METTL24: variants seen among roughly 807,000 people sequenced by gnomAD.
METTL24 encodes the protein probable methyltransferase-like protein 24.
Under a neutral mutation model 32.7 loss-of-function variants are expected in METTL24, and 29 were observed. The observed-to-expected ratio is 0.89, with a 90% CI of 0.66 to 1.21. The LOEUF (loss-of-function observed/expected upper bound fraction) is 1.21, where lower values mean the gene tolerates loss of function less well. Ranked by LOEUF, METTL24 falls within the 50% of genes most tolerant of loss-of-function variation. METTL24 has a pLI of 0.00. For missense variants in METTL24, 439 were observed against 468.1 expected (o/e 0.94, Z 0.57); for synonymous variants, 163 against 179.5 (o/e 0.91, Z 0.73).
intron 4 of METTL24, among the ~76,000 whole-genome samples, chr6:110,297,106 G>C (rs961709501): frequency 6.6e-6 from 1 of 152,170 alleles, no homozygotes; most frequent in Non-Finnish European, 1.5e-5. Flanking sequence ...GCAATTCTGT[G>C]CCAGATCACT....
chr6:110,325,846 G>C (rs531903663), intron 1 of METTL24, among the ~76,000 whole-genome samples: 48 of 152,216 alleles, frequency 3.2e-4, no homozygotes, highest in Non-Finnish European at 5.7e-4. Flanking sequence ...GGAGAGGCCA[G>C]GCTCCTCCCC....
chr6:110,325,474 A>C (rs2114756959), intron 1 of METTL24, among the ~76,000 whole-genome samples: 1 of 152,148 alleles, frequency 6.6e-6, no homozygotes. Flanking sequence ...TAGTTTGCTG[A>C]CTCCTGCTCC....
intron 4 of METTL24, among the ~76,000 whole-genome samples, chr6:110,275,023 T>G (rs1319313554): frequency 6.6e-6 from 1 of 151,682 alleles, no homozygotes; most frequent in Admixed American, 6.6e-5. Flanking sequence ...GGTCTCAAAC[T>G]CCTGGGCTCA....
chr6:110,253,085 T>G (rs1040458329), intron 4 of METTL24, among the ~76,000 whole-genome samples: 1 of 152,226 alleles, frequency 6.6e-6, no homozygotes, highest in African/African-American at 2.4e-5. Flanking sequence ...GTGATGCAGC[T>G]TCTACTTTGC....
At chr6:110,308,749 A>G (rs1172516938) in intron 3 of METTL24, among the ~76,000 whole-genome samples, 2 of 152,372 alleles carry the variant, frequency 1.3e-5, no homozygotes, top group East Asian at 3.9e-4. Flanking sequence ...AATTCATACA[A>G]TGGAATATTA....
chr6:110,249,257 A>G (rs9487325), intron 4 of METTL24, among the ~76,000 whole-genome samples: 34,024 of 151,950 alleles, frequency 0.22, 5,735 homozygotes, highest in African/African-American at 0.47. Context: ...AGGCTAAATC[A>G]TAGTAAACAT....
At chr6:110,306,570 A>AT (rs1015344825) in intron 3 of METTL24, among the ~76,000 whole-genome samples, 1 of 152,038 alleles carries the variant, frequency 6.6e-6, no homozygotes, top group Non-Finnish European at 1.5e-5. Flanking sequence ...ACTATTTGTA[A>AT]TTTTTTGGAT....
intron 4 of METTL24, among the ~76,000 whole-genome samples, chr6:110,256,797 C>A (rs1282663381): frequency 2.0e-5 from 3 of 152,218 alleles, no homozygotes; most frequent in Admixed American, 1.3e-4. Context: ...ATGCACACGA[C>A]ACTTAGCCAA....
intron 4 of METTL24, among the ~76,000 whole-genome samples, chr6:110,295,013 C>CTTTTTTTTTTTTTTT (rs1195740747): frequency 7.7e-5 from 6 of 78,130 alleles, no homozygotes; most frequent in East Asian, 4.0e-4. Flanking sequence ...TTCTTTCTTT[C>CTTTTTTTTTTTTTTT]TTTTTTTTTT....
chr6:110,258,294 G>T (rs1403621437), intron 4 of METTL24, among the ~76,000 whole-genome samples: 4 of 152,148 alleles, frequency 2.6e-5, no homozygotes, highest in Admixed American at 1.3e-4. Context: ...ATATACAGAA[G>T]TATCTCAAAC....
chr6:110,303,626 C>T (rs1393617720), intron 3 of METTL24, among the ~76,000 whole-genome samples: 1 of 152,242 alleles, frequency 6.6e-6, no homozygotes, highest in African/African-American at 2.4e-5. Context: ...TTCCTCCTCT[C>T]TGGGCAGGGC....
At chr6:110,314,992 T>G (rs994469005) in intron 3 of METTL24, among the ~76,000 whole-genome samples, 2 of 148,176 alleles carry the variant, frequency 1.3e-5, no homozygotes, top group African/African-American at 5.0e-5. Flanking sequence ...TTTTTTGTGT[T>G]TTTTTTTTTT....
intron 4 of METTL24, among the ~76,000 whole-genome samples, chr6:110,289,372 A>G (rs539978743): frequency 6.6e-6 from 1 of 152,224 alleles, no homozygotes; most frequent in South Asian, 2.1e-4. Flanking sequence ...CAGCTTTCAC[A>G]AACATGCAAG....
At chr6:110,251,589 T>C (rs890618384) in intron 4 of METTL24, among the ~76,000 whole-genome samples, 1 of 152,204 alleles carries the variant, frequency 6.6e-6, no homozygotes, top group Non-Finnish European at 1.5e-5. Context: ...TTAGACTAAG[T>C]AATTTATAAA....
intron 2 of METTL24, among the ~76,000 whole-genome samples, chr6:110,316,922 G>T (rs998955166): frequency 6.6e-6 from 1 of 151,378 alleles, no homozygotes; most frequent in African/African-American, 2.4e-5. Context: ...GAAAAGAAAA[G>T]AAAAAAAAGA....
rs1283171750 is a variant in METTL24, at chr6:110,358,105, C to A, written c.168G>T (p.Pro56=). 55 of 1,018,580 alleles carry A rather than the reference C, an allele frequency of 5.4e-5. 1 individual carries two copies. The East Asian group carries it at 3.1e-3, about 57-fold the overall frequency. 63.1% of individuals were successfully genotyped at this position (1,018,580 alleles called of 1,614,324 possible). Residue 56 remains proline, a synonymous_variant, in exon 1 of 5, where the codon CCG becomes CCT. Coordinates refer to ENST00000338882, the MANE Select transcript of METTL24 (RefSeq NM_001123364.3). The part of the protein sequence containing the change: ...PPGPAWRPPG[P]HLPPAPGQPR... Reference sequence around the variant, plus strand: ...GCTGGCCCGGCGCGGGCGGCAGGTGCGGCCCAGGTGGCCGCCAGGCCGGGC... The same window carrying A: ...GCTGGCCCGGCGCGGGCGGCAGGTGAGGCCCAGGTGGCCGCCAGGCCGGGC...
At chr6:110,319,859 C>T (rs773751991) in intron 2 of METTL24, among the ~76,000 whole-genome samples, 2 of 152,194 alleles carry the variant, frequency 1.3e-5, no homozygotes, top group African/African-American at 2.4e-5. Flanking sequence ...AGGGGTGCCA[C>T]GCCCATTGCT....
rs1778140839 is a variant in METTL24, at chr6:110,245,606, A to ATTT, written c.*339_*340insAAA. The stretch of plus-strand genomic sequence containing the variant: ...TTAAAAATCTCACCAACCTAGTAAA[A>ATTT]ATAGGAAATTTATATAATTTCATTT... On this transcript the variant is annotated 3_prime_UTR_variant, in exon 5 of 5. Coordinates refer to ENST00000338882, the MANE Select transcript of METTL24 (RefSeq NM_001123364.3). Among the ~76,000 whole-genome samples, 1 of 152,270 alleles carries ATTT rather than the reference A, an allele frequency of 6.6e-6. No individual in the cohort carries two copies. The highest frequency in any genetic ancestry group is 6.5e-5 in the Admixed American group (1 of 15,288).
intron 1 of METTL24, among the ~76,000 whole-genome samples, chr6:110,354,367 G>A (rs1349392072): frequency 6.6e-6 from 1 of 152,172 alleles, no homozygotes; most frequent in Non-Finnish European, 1.5e-5. Flanking sequence ...CTAACACCTG[G>A]AATGGAAGCA....
Sources: gnomAD v4.1 joint callset for allele counts (sites outside exome capture counted in the v4.1 genomes callset) on GRCh38, gnomAD v4.1.1 for gene constraint, MANE v1.5 for transcripts, NCBI Gene and HGNC (gene_info 2026-07-23, HGNC 2026-07-21) for gene names.